NRG3: variants seen among roughly 807,000 people sequenced by gnomAD.
The protein encoded by NRG3 is pro-neuregulin-3, membrane-bound isoform.
Under a neutral mutation model 66.9 loss-of-function variants are expected in NRG3, and 31 were observed. The observed-to-expected ratio is 0.46, with a 90% CI of 0.35 to 0.63. The LOEUF (loss-of-function observed/expected upper bound fraction) is 0.63. NRG3 is among the 20% of genes least tolerant of loss of function. The pLI, the probability that NRG3 is intolerant of heterozygous loss-of-function variation, is 0.00. For synonymous variants in NRG3, 393 were observed against 359.4 expected, an observed-to-expected ratio of 1.09 and a Z score of -1.06; for missense variants, 910 against 878.9, an observed-to-expected ratio of 1.04 and a Z score of -0.45.
At chr10:82,300,415 A>T (rs189619641) in intron 1 of NRG3, among the ~76,000 whole-genome samples, 1 of 152,280 alleles carries the variant, frequency 6.6e-6, no homozygotes, top group Non-Finnish European at 1.5e-5. Context: ...TGCAATGTAA[A>T]TTATTTAGAC....
At chr10:82,713,817 A>G (rs1382403025) in intron 2 of NRG3, among the ~76,000 whole-genome samples, 2 of 152,198 alleles carry the variant, frequency 1.3e-5, no homozygotes, top group Admixed American at 1.3e-4. Flanking sequence ...GGAAACCTAT[A>G]TGACCACACT....
intron 1 of NRG3, among the ~76,000 whole-genome samples, chr10:81,983,520 A>C (rs1164663496): frequency 1.3e-5 from 2 of 152,206 alleles, no homozygotes; most frequent in Non-Finnish European, 2.9e-5. Context: ...TCTTAGCATT[A>C]ACTTTTAAAG....
intron 2 of NRG3, among the ~76,000 whole-genome samples, chr10:82,546,626 A>G (rs2043936174): frequency 6.6e-6 from 1 of 152,216 alleles, no homozygotes; most frequent in Non-Finnish European, 1.5e-5. Flanking sequence ...ATACGTGTAT[A>G]AAAGTGAGTT....
At chr10:82,958,211 C>T (rs533106330) in intron 5 of NRG3, among the ~76,000 whole-genome samples, 2 of 152,184 alleles carry the variant, frequency 1.3e-5, no homozygotes, top group African/African-American at 2.4e-5. Flanking sequence ...GTTGGCTGGG[C>T]TGAGATCCAA....
intron 2 of NRG3, among the ~76,000 whole-genome samples, chr10:82,406,815 G>A (rs1029807359): frequency 6.6e-6 from 1 of 152,034 alleles, no homozygotes; most frequent in Non-Finnish European, 1.5e-5. Context: ...CATTGAGACA[G>A]GTACCGTTTT....
Position 81,875,509 on chromosome 10 carries a change from T to A in NRG3, c.169T>A (p.Cys57Ser). Residue 57 changes from cysteine (C) to serine (S), a missense_variant, in exon 1 of 9, where the codon TGC becomes AGC. By Grantham distance (112) the Cys-to-Ser change is moderately radical (BLOSUM62 -1). Coordinates refer to ENST00000372141, the MANE Select transcript of NRG3 (RefSeq NM_001010848.4). This position sits in a 1 kb window ranked among gnomAD's most constrained non-coding sequence, Gnocchi z 5.3. ...EPPRELRCSD[C>S]IVWNRQQTWL... Reference sequence around the variant, plus strand: ...CCCCCGGGAGTTACGCTGTAGCGACTGCATCGTGTGGAACCGGCAGCAGAC... The same window carrying A: ...CCCCCGGGAGTTACGCTGTAGCGACAGCATCGTGTGGAACCGGCAGCAGAC... 6.2e-7 allele frequency: 1 copy of A among 1,607,486 alleles called. No homozygotes were observed.
At chr10:81,942,011 T>A (rs1014712859) in intron 1 of NRG3, among the ~76,000 whole-genome samples, 2 of 152,144 alleles carry the variant, frequency 1.3e-5, no homozygotes, top group Non-Finnish European at 2.9e-5. Flanking sequence ...AAACTTTAGA[T>A]CTTCTCATCC....
At chr10:82,056,266 G>T (rs190898876) in intron 1 of NRG3, among the ~76,000 whole-genome samples, 3 of 152,238 alleles carry the variant, frequency 2.0e-5, no homozygotes, top group African/African-American at 7.2e-5. Context: ...TCTAAGCTTG[G>T]TCAGGTGGGT....
rs1182133460 is a variant in NRG3 at position 82,697,852 on chromosome 10, C to T, written c.954-40725C>T. 5.3e-5 allele frequency among the ~76,000 whole-genome samples: 8 copies of T among 152,070 alleles called. No individual in the cohort carries two copies. The East Asian group carries it at 7.8e-4, about 15-fold the overall frequency. ...AATGTGTCACTCTGTAATTGGCCTG[C>T]GTTTCTGGGACCCGTCAGTATCTGC... On this transcript the variant is annotated intron_variant, in intron 2 of 8. Transcript: ENST00000372141.
intron 1 of NRG3, among the ~76,000 whole-genome samples, chr10:82,116,050 T>C (rs1306048614): frequency 6.6e-6 from 1 of 152,168 alleles, no homozygotes; most frequent in Non-Finnish European, 1.5e-5. Context: ...ACTTACAAAT[T>C]CTTGTAAATC....
At chr10:82,864,345 A>T (rs1417864187) in intron 3 of NRG3, among the ~76,000 whole-genome samples, 1 of 152,104 alleles carries the variant, frequency 6.6e-6, no homozygotes, top group African/African-American at 2.4e-5. Flanking sequence ...TAAATTTTTT[A>T]ATGACCTATT....
intron 2 of NRG3, among the ~76,000 whole-genome samples, chr10:82,606,880 A>G (rs902585551): frequency 6.6e-6 from 1 of 152,062 alleles, no homozygotes; most frequent in Admixed American, 6.6e-5. Flanking sequence ...CAGCACCAAA[A>G]CGTTGTTTCT....
At chr10:82,473,636 T>G (rs767391959) in intron 2 of NRG3, among the ~76,000 whole-genome samples, 2 of 152,152 alleles carry the variant, frequency 1.3e-5, no homozygotes, top group Non-Finnish European at 2.9e-5. Context: ...CCATTGCCCC[T>G]TTGCCTTCCC....
intron 1 of NRG3, among the ~76,000 whole-genome samples, chr10:81,903,569 T>G (rs1844281447): frequency 6.6e-6 from 1 of 152,174 alleles, no homozygotes; most frequent in Non-Finnish European, 1.5e-5. Flanking sequence ...GTGCTTAATA[T>G]TGGTTGAAAA....
chr10:82,180,832 C>G (rs1369223032), intron 1 of NRG3, among the ~76,000 whole-genome samples: 4 of 151,866 alleles, frequency 2.6e-5, no homozygotes, highest in Non-Finnish European at 4.4e-5. Flanking sequence ...GTTAATTCCT[C>G]TTTAAGTGTT....
chr10:81,963,125 CTTTTTTTTTTTT>C (rs777026850), intron 1 of NRG3, among the ~76,000 whole-genome samples: 2 of 70,122 alleles, frequency 2.9e-5, no homozygotes, highest in South Asian at 5.7e-4. Context: ...CACGAGGGCT[CTTTTTTTTTTTT>C]TTTTTTTTTT....
intron 1 of NRG3, among the ~76,000 whole-genome samples, chr10:82,066,891 A>G (rs1483110448): frequency 6.6e-6 from 1 of 152,100 alleles, no homozygotes; most frequent in Admixed American, 6.6e-5. Context: ...TTCAATTTGT[A>G]GATACCCTTG....
At chr10:82,919,750 A>G (rs562253259) in intron 4 of NRG3, among the ~76,000 whole-genome samples, 6 of 152,304 alleles carry the variant, frequency 3.9e-5, no homozygotes, top group Admixed American at 2.0e-4. Context: ...CAAAGTGAAG[A>G]ATACCATAAT....
At chr10:82,055,370 G>T (rs1053621099) in intron 1 of NRG3, among the ~76,000 whole-genome samples, 1 of 150,920 alleles carries the variant, frequency 6.6e-6, no homozygotes, top group African/African-American at 2.4e-5. Flanking sequence ...TCAGCTACTC[G>T]GGAGGCTGAG....
Sources: allele counts gnomAD v4.1 joint callset (sites outside exome capture counted in the v4.1 genomes callset), GRCh38; gene constraint gnomAD v4.1.1; non-coding constraint Gnocchi (gnomAD v3.1); transcripts MANE v1.5; gene names NCBI Gene and HGNC (gene_info 2026-07-23, HGNC 2026-07-21).